Variants in RFTN1 observed in about 807,000 individuals in gnomAD.
RFTN1 encodes the protein raftlin.
Under a neutral mutation model 46.5 loss-of-function variants are expected in RFTN1, and 26 were observed. The ratio of observed to expected loss-of-function variants is 0.56; its 90% confidence interval spans 0.41 to 0.78. The LOEUF (loss-of-function observed/expected upper bound fraction) is 0.78. RFTN1 is among the 30% of genes least tolerant of loss of function. RFTN1 has a pLI of 0.00. For missense variants in RFTN1, 693 were observed against 718.7 expected, an observed-to-expected ratio of 0.96 and a Z score of 0.41; for synonymous variants, 261 against 284.2, an observed-to-expected ratio of 0.92 and a Z score of 0.82.
chr3:16,482,933 G>C, intron 2 of RFTN1: 1 of 1,036,934 alleles, frequency 9.6e-7, no homozygotes, highest in African/African-American at 1.6e-5. Context: ...ACCCAACTCT[G>C]ACCCTGGGGC....
chr3:16,491,649 G>T (rs1013624521), intron 2 of RFTN1, among the ~76,000 whole-genome samples: 1 of 149,934 alleles, frequency 6.7e-6, no homozygotes, highest in Admixed American at 6.6e-5. Context: ...ATGAAGCAGT[G>T]GGGGGACAAA....
At chr3:16,508,445 TCAGCC>T (rs1206496255) in intron 1 of RFTN1, among the ~76,000 whole-genome samples, 1 of 152,176 alleles carries the variant, frequency 6.6e-6, no homozygotes, top group Non-Finnish European at 1.5e-5. Flanking sequence ...CCTCCTGAAT[TCAGCC>T]CAGGTAGGGA....
At chr3:16,369,063 TTAGA>T (rs1266471930) in intron 6 of RFTN1, among the ~76,000 whole-genome samples, 2 of 152,366 alleles carry the variant, frequency 1.3e-5, no homozygotes, top group Admixed American at 6.5e-5. Flanking sequence ...TCAATGATAC[TTAGA>T]TAGAGACTCG....
chr3:16,479,545 T>C lies in RFTN1; in HGVS notation c.145+14180A>G, dbSNP rs569395199. Among the ~76,000 whole-genome samples, 2 of 152,232 alleles carry C rather than the reference T, an allele frequency of 1.3e-5. No homozygotes were observed. Among genetic ancestry groups the C allele is most frequent in the South Asian group, 2.1e-4 (1 of 4,834 alleles). Reference sequence around the variant, plus strand: ...ACAGCATTATTCCAGCCTGGGCTATTAGAAACAGCATCAGTAACTTTTCTT... The same window carrying C: ...ACAGCATTATTCCAGCCTGGGCTATCAGAAACAGCATCAGTAACTTTTCTT... On this transcript the variant is annotated intron_variant, in intron 2 of 9. Transcript: ENST00000334133. This position sits in a 1 kb window ranked among gnomAD's most constrained non-coding sequence, Gnocchi z 5.1.
intron 7 of RFTN1, among the ~76,000 whole-genome samples, chr3:16,332,417 CTT>C (rs34563846): frequency 0.12 from 18,464 of 148,490 alleles, 1,623 homozygotes; most frequent in African/African-American, 0.25. Flanking sequence ...TTGATTGCTT[CTT>C]TTTTTTTTTT....
intron 4 of RFTN1, among the ~76,000 whole-genome samples, chr3:16,389,896 C>T (rs1353144385): frequency 2.6e-5 from 4 of 152,200 alleles, no homozygotes; most frequent in Non-Finnish European, 5.9e-5. Flanking sequence ...GTATAATCAT[C>T]AGAATTCCAT....
intron 2 of RFTN1, among the ~76,000 whole-genome samples, chr3:16,453,796 G>A (rs1384393521): frequency 6.6e-6 from 1 of 152,044 alleles, no homozygotes; most frequent in Non-Finnish European, 1.5e-5. Flanking sequence ...TATGATACAA[G>A]AAAATAAATG....
rs144935541 is a variant in RFTN1, at chr3:16,387,496, T to C, written c.442-9394A>G. Among the ~76,000 whole-genome samples, 5 of 151,848 alleles carry C rather than the reference T, an allele frequency of 3.3e-5. No individual in the cohort carries two copies. The highest frequency in any genetic ancestry group is 9.7e-5 in the African/African-American group (4 of 41,350). ...CCCGGTTAAGGCAAAACCCAGGCCATAGAGCTCATGTTTTCTGGCACCCTG... is the reference window on the plus strand; with the variant it reads ...CCCGGTTAAGGCAAAACCCAGGCCACAGAGCTCATGTTTTCTGGCACCCTG... On this transcript the variant is annotated intron_variant, in intron 4 of 9. Transcript: ENST00000334133. This position sits in a 1 kb window ranked among gnomAD's most constrained non-coding sequence, Gnocchi z 5.2.
chr3:16,370,774 G>C lies in RFTN1; in HGVS notation c.827-495C>G, dbSNP rs2073464132. The C allele has an allele frequency of 6.4e-6, 1 of 155,516 alleles. No homozygotes were observed. The allele number at this position is 155,516 out of a possible 1,614,324, so 9.6% of individuals were successfully genotyped here. Reference sequence around the variant, plus strand: ...ATAAACTGCAGTAGTGTTTCCTGGGGCTGAACCCATAATACTTAATCAAGT... The same window carrying C: ...ATAAACTGCAGTAGTGTTTCCTGGGCCTGAACCCATAATACTTAATCAAGT... On this transcript the variant is annotated intron_variant, in intron 5 of 9. Coordinates refer to ENST00000334133, the MANE Select transcript of RFTN1 (RefSeq NM_015150.2). This position sits in a 1 kb window ranked among gnomAD's most constrained non-coding sequence, Gnocchi z 5.5.
chr3:16,413,842 C>T lies in RFTN1; in HGVS notation c.333-4359G>A, dbSNP rs1215018071. 6.6e-6 allele frequency among the ~76,000 whole-genome samples: 1 copy of T among 152,184 alleles called. No homozygotes were observed. The highest frequency in any genetic ancestry group is 1.5e-5 in the Non-Finnish European group (1 of 68,046). On this transcript the variant is annotated intron_variant, in intron 3 of 9. Transcript: ENST00000334133. This position sits in a 1 kb window ranked among gnomAD's most constrained non-coding sequence, Gnocchi z 4.7. Reference sequence around the variant, plus strand: ...TAGAGGCTACCGGTGTTAGAGCTAACTAGAGGCAGGTAATACACCAGCTGT... The same window carrying T: ...TAGAGGCTACCGGTGTTAGAGCTAATTAGAGGCAGGTAATACACCAGCTGT...
At chr3:16,471,538 A>C (rs557906519) in intron 2 of RFTN1, among the ~76,000 whole-genome samples, 1 of 152,312 alleles carries the variant, frequency 6.6e-6, no homozygotes, top group East Asian at 1.9e-4. Context: ...AGCCACTGTA[A>C]AGGAGGTCAG....
rs1199511865 is a variant in RFTN1, at chr3:16,442,652, C to T, written c.146-8615G>A. 6.6e-6 allele frequency among the ~76,000 whole-genome samples: 1 copy of T among 152,050 alleles called. No individual in the cohort carries two copies. The highest frequency in any genetic ancestry group is 1.9e-4 in the East Asian group (1 of 5,194). ...GTACGCGATGTTATTAGCTATAGTC[C>T]CCATGTTGTACATTAGATCTCTAGA... On this transcript the variant is annotated intron_variant, in intron 2 of 9. Coordinates refer to ENST00000334133, the MANE Select transcript of RFTN1 (RefSeq NM_015150.2). The surrounding 1 kb of genome is among the most constrained non-coding windows in gnomAD (Gnocchi z 4.1).
chr3:16,320,756 CT>C lies in RFTN1; in HGVS notation c.1332+2619del. 6.6e-6 allele frequency among the ~76,000 whole-genome samples: 1 copy of C among 152,112 alleles called. No homozygotes were observed. On this transcript the variant is annotated intron_variant, in intron 9 of 9. Transcript: ENST00000334133. The surrounding 1 kb of genome is among the most constrained non-coding windows in gnomAD (Gnocchi z 4.5). ...GGAAGAACTGGAGGCCACAGAGGAG[CT>C]GGAGGCCACAGAGAATGGGAGGCTG... is the stretch of plus-strand genomic sequence containing the variant.
Position 16,466,755 on chromosome 3 carries a change from C to G in RFTN1, c.145+26970G>C, listed in dbSNP as rs980784172. Among the ~76,000 whole-genome samples, 2 of 152,212 alleles carry G rather than the reference C, an allele frequency of 1.3e-5. No individual in the cohort carries two copies. Among genetic ancestry groups the G allele is most frequent in the African/African-American group, 2.4e-5 (1 of 41,456 alleles). On this transcript the variant is annotated intron_variant, in intron 2 of 9. Transcript: ENST00000334133. The surrounding 1 kb of genome is among the most constrained non-coding windows in gnomAD (Gnocchi z 5.6). ...AACTATACTGAGGTAGGTATAGACA[C>G]TCATGTACACAGAGACACACACACT...
rs59087317 is a variant in RFTN1 at position 16,446,292 on chromosome 3, T to TA, written c.146-12256dup. ...AGCTCAGAGGAAACCTAGAAACCTT[T>TA]AAAAAAAAAAAAACTGTGGTAAAAT... On this transcript the variant is annotated intron_variant, in intron 2 of 9. Coordinates refer to ENST00000334133, the MANE Select transcript of RFTN1 (RefSeq NM_015150.2). The surrounding 1 kb of genome is among the most constrained non-coding windows in gnomAD (Gnocchi z 4.5). Among the ~76,000 whole-genome samples the TA allele has an allele frequency of 0.11, 15,471 of 143,216 alleles. 1,115 individuals are homozygous for TA. The highest frequency in any genetic ancestry group is 0.21 in the African/African-American group (8,285 of 39,470). 94.0% of individuals were successfully genotyped at this position (143,216 alleles called of 152,430 possible).
chr3:16,390,298 A>C (rs1027218180), intron 4 of RFTN1, among the ~76,000 whole-genome samples: 5 of 152,254 alleles, frequency 3.3e-5, no homozygotes, highest in Non-Finnish European at 7.3e-5. Flanking sequence ...TAAATCCTTT[A>C]TAAAAGATGC....
At position 16,370,049 on chromosome 3, in the gene RFTN1, C is replaced by T. The variant is rs750736795; in HGVS notation, c.1030+27G>A. On this transcript the variant is annotated intron_variant, in intron 6 of 9. Transcript: ENST00000334133. This position sits in a 1 kb window ranked among gnomAD's most constrained non-coding sequence, Gnocchi z 5.5. The stretch of plus-strand genomic sequence containing the variant: ...TAGAAGCAGAGTTCACAAAGGGCCA[C>T]CCAAGGACTGTGAATTCCAAACATA... The T allele has an allele frequency of 2.5e-6, 4 of 1,608,906 alleles. No individual in the cohort carries two copies. The East Asian group carries it at 8.9e-5, about 36-fold the overall frequency.
chr3:16,443,706 G>A lies in RFTN1; in HGVS notation c.146-9669C>T, dbSNP rs138839941. ...GGAAGAGTTAAGTTGTTATTGGTTT[G>A]CTCGTCATTTCAGAGAATCACACAT... On this transcript the variant is annotated intron_variant, in intron 2 of 9. Transcript: ENST00000334133. This position sits in a 1 kb window ranked among gnomAD's most constrained non-coding sequence, Gnocchi z 5.5. Among the ~76,000 whole-genome samples, 374 of 151,554 alleles carry A rather than the reference G, an allele frequency of 2.5e-3. 1 individual carries two copies. The highest frequency in any genetic ancestry group is 8.1e-3 in the African/African-American group (335 of 41,292).
chr3:16,409,774 T>C (rs2074944851), intron 3 of RFTN1, among the ~76,000 whole-genome samples: 1 of 150,338 alleles, frequency 6.7e-6, no homozygotes, highest in Non-Finnish European at 1.5e-5. Context: ...AAGCTCCACC[T>C]TCCAGGTTCA....
Sources: allele counts gnomAD v4.1 joint callset (sites outside exome capture counted in the v4.1 genomes callset), GRCh38; gene constraint gnomAD v4.1.1; non-coding constraint Gnocchi (gnomAD v3.1); transcripts MANE v1.5; gene names NCBI Gene and HGNC (gene_info 2026-07-23, HGNC 2026-07-21).